TSHZ2: variants seen among roughly 807,000 people sequenced by gnomAD.
The protein encoded by TSHZ2 is teashirt homolog 2.
In TSHZ2, 21 loss-of-function variants were observed where a neutral mutation model predicts 74.4. The observed-to-expected ratio is 0.28, with a 90% CI of 0.20 to 0.41. The LOEUF is 0.41. Ranked by LOEUF, TSHZ2 falls within the 10% of genes least tolerant of loss-of-function variation. The pLI, the probability that TSHZ2 is intolerant of heterozygous loss-of-function variation, is 1.00. For synonymous variants in TSHZ2, 540 were observed against 515.3 expected (o/e 1.05, Z -0.65); for missense variants, 1,244 against 1,293.5 (o/e 0.96, Z 0.59).
chr20:53,293,668 T>G (rs774860078), intron 2 of TSHZ2, among the ~76,000 whole-genome samples: 2 of 143,838 alleles, frequency 1.4e-5, no homozygotes, highest in Non-Finnish European at 3.0e-5. Context: ...ATGTACCCAG[T>G]GCTGTGCTGG....
chr20:53,276,709 G>A (rs979363895), intron 2 of TSHZ2, among the ~76,000 whole-genome samples: 16 of 152,174 alleles, frequency 1.1e-4, no homozygotes, highest in Non-Finnish European at 2.1e-4. Context: ...GCCATCCCCC[G>A]AGTGTCAGAT....
intron 1 of TSHZ2, among the ~76,000 whole-genome samples, chr20:52,992,962 T>A (rs1982047439): frequency 6.6e-6 from 1 of 152,226 alleles, no homozygotes; most frequent in African/African-American, 2.4e-5. Context: ...GCAGCTCTTT[T>A]AGGTGCCCTC....
At chr20:53,059,946 G>A (rs140330823) in intron 1 of TSHZ2, among the ~76,000 whole-genome samples, 1,817 of 152,258 alleles carry the variant, frequency 0.012, 10 homozygotes, top group Non-Finnish European at 0.016. Flanking sequence ...TAGCATTATG[G>A]TTTTGTCTAT....
chr20:53,471,019 A>G (rs1985782373), intron 2 of TSHZ2, among the ~76,000 whole-genome samples: 1 of 152,182 alleles, frequency 6.6e-6, no homozygotes, highest in Non-Finnish European at 1.5e-5. Context: ...AAGAGAATGT[A>G]TATGAATGGT....
At chr20:53,000,576 A>C (rs374099535) in intron 1 of TSHZ2, among the ~76,000 whole-genome samples, 2 of 152,226 alleles carry the variant, frequency 1.3e-5, no homozygotes, top group South Asian at 4.1e-4. Flanking sequence ...TCAATTTTTA[A>C]AAAATAATAA....
chr20:53,353,217 T>A (rs2145590112), intron 2 of TSHZ2, among the ~76,000 whole-genome samples: 1 of 152,266 alleles, frequency 6.6e-6, no homozygotes, highest in Non-Finnish European at 1.5e-5. Context: ...CTGGAAGATT[T>A]CCCCTGAGGC....
At chr20:53,368,213 C>G (rs1252163718) in intron 2 of TSHZ2, among the ~76,000 whole-genome samples, 4 of 151,554 alleles carry the variant, frequency 2.6e-5, no homozygotes, top group African/African-American at 4.9e-5. Context: ...CAGTAACCGA[C>G]AGCTACGAGA....
intron 1 of TSHZ2, among the ~76,000 whole-genome samples, chr20:53,055,467 G>C (rs1904307365): frequency 6.6e-6 from 1 of 152,164 alleles, no homozygotes; most frequent in African/African-American, 2.4e-5. Flanking sequence ...TTCAAAAAGT[G>C]GTGTGGGATT....
chr20:53,447,950 G>A (rs762168277), intron 2 of TSHZ2, among the ~76,000 whole-genome samples: 2 of 142,624 alleles, frequency 1.4e-5, no homozygotes, highest in South Asian at 4.4e-4. Flanking sequence ...GTCTCACTCT[G>A]TTGCCCAGGC....
intron 1 of TSHZ2, among the ~76,000 whole-genome samples, chr20:53,131,827 CCCCCCCCA>C: frequency 7.2e-6 from 1 of 138,564 alleles, no homozygotes; most frequent in African/African-American, 2.6e-5. Flanking sequence ...CAACCCCCCC[CCCCCCCCA>C]AAAAAAAAAA....
chr20:53,462,293 C>T (rs774154288), intron 2 of TSHZ2, among the ~76,000 whole-genome samples: 8 of 152,072 alleles, frequency 5.3e-5, no homozygotes, highest in Non-Finnish European at 1.2e-4. Context: ...CTTATAAGGA[C>T]ACCAGTCAGA....
chr20:53,450,223 T>C (rs1452782296), intron 2 of TSHZ2, among the ~76,000 whole-genome samples: 2 of 152,242 alleles, frequency 1.3e-5, no homozygotes, highest in Admixed American at 6.5e-5. Context: ...TGGTCTCTCT[T>C]TTGATGTCCC....
chr20:53,170,975 G>T (rs1015814169), intron 1 of TSHZ2, among the ~76,000 whole-genome samples: 3 of 150,718 alleles, frequency 2.0e-5, no homozygotes, highest in Admixed American at 1.3e-4. Flanking sequence ...AACACAAAAA[G>T]ATATAGTTTC....
chr20:53,343,005 C>T (rs1417830405), intron 2 of TSHZ2, among the ~76,000 whole-genome samples: 6 of 120,326 alleles, frequency 5.0e-5, no homozygotes, highest in South Asian at 6.0e-4. Context: ...CTCACCCCGT[C>T]ACCCAGGCTG....
At chr20:53,235,612 T>G (rs375416426) in intron 1 of TSHZ2, among the ~76,000 whole-genome samples, 1 of 152,236 alleles carries the variant, frequency 6.6e-6, no homozygotes, top group African/African-American at 2.4e-5. Context: ...TATTGCATAC[T>G]GTACCAGGCA....
At chr20:53,332,460 C>T (rs930487374) in intron 2 of TSHZ2, among the ~76,000 whole-genome samples, 2 of 152,246 alleles carry the variant, frequency 1.3e-5, no homozygotes, top group Non-Finnish European at 1.5e-5. Context: ...CCTGATCACA[C>T]GAGGCCCTGT....
intron 2 of TSHZ2, among the ~76,000 whole-genome samples, chr20:53,360,388 C>T (rs1981006048): frequency 6.6e-6 from 1 of 152,134 alleles, no homozygotes; most frequent in African/African-American, 2.4e-5. Flanking sequence ...GTACTCTGCC[C>T]GTGACTTTTA....
At chr20:52,997,210 A>G (rs1982232524) in intron 1 of TSHZ2, among the ~76,000 whole-genome samples, 1 of 151,922 alleles carries the variant, frequency 6.6e-6, no homozygotes, top group African/African-American at 2.4e-5. Context: ...ACCAAAGGAG[A>G]ACTCGCCTCC....
rs573991673 is a variant in TSHZ2 at position 53,193,817 on chromosome 20, A to G, written c.41-59682A>G. The stretch of plus-strand genomic sequence containing the variant: ...AGAGGAAACCCATGTTGAGTTGACA[A>G]TAAGAGGGAGGAACCTTGAACCTGA... On this transcript the variant is annotated intron_variant, in intron 1 of 2. Transcript: ENST00000371497. 8.5e-5 allele frequency among the ~76,000 whole-genome samples: 13 copies of G among 152,308 alleles called. No individual in the cohort carries two copies. In the South Asian group the frequency reaches 2.3e-3, roughly 27 times the overall value.
Sources: gnomAD v4.1 joint callset for allele counts (sites outside exome capture counted in the v4.1 genomes callset) on GRCh38, gnomAD v4.1.1 for gene constraint, MANE v1.5 for transcripts, NCBI Gene and HGNC (gene_info 2026-07-23, HGNC 2026-07-21) for gene names.